Variants in PCDHGB3 observed in about 807,000 individuals in gnomAD.
PCDHGB3 encodes protocadherin gamma subfamily B, 3.
A neutral mutation model predicts 59.2 loss-of-function variants in PCDHGB3; 40 were observed. That is an observed-to-expected ratio of 0.68 (90% CI 0.52 to 0.88). PCDHGB3 has a LOEUF of 0.88. PCDHGB3 is among the 40% of genes least tolerant of loss of function. PCDHGB3 has a pLI of 0.00. For synonymous variants in PCDHGB3, 581 were observed against 503.6 expected, an observed-to-expected ratio of 1.15 and a Z score of -2.06; for missense variants, 1,309 against 1,187.9, an observed-to-expected ratio of 1.10 and a Z score of -1.50.
intron 1 of PCDHGB3, among the ~76,000 whole-genome samples, chr5:141,447,863 A>G (rs553375129): frequency 6.6e-6 from 1 of 152,254 alleles, no homozygotes; most frequent in East Asian, 1.9e-4. Flanking sequence ...AGGTGGGTGA[A>G]TCATCTGAGG....
intron 1 of PCDHGB3, chr5:141,419,575 C>T (rs2096401495): frequency 6.2e-7 from 1 of 1,611,782 alleles, no homozygotes. Context: ...CCGACGGCTC[C>T]GCGCTCTTCG....
intron 1 of PCDHGB3, chr5:141,408,124 G>A: frequency 1.4e-6 from 2 of 1,478,862 alleles, no homozygotes; most frequent in Non-Finnish European, 1.8e-6. Context: ...CCTGTCCTGG[G>A]CCGAATGCTC....
At chr5:141,430,873 G>T in intron 1 of PCDHGB3, 5 of 1,598,960 alleles carry the variant, frequency 3.1e-6, no homozygotes, top group Non-Finnish European at 4.3e-6. Flanking sequence ...TTCCGGAAGA[G>T]CTGGAGAAAG....
chr5:141,407,425 CTT>C (rs1307911949), intron 1 of PCDHGB3, among the ~76,000 whole-genome samples: 3 of 151,864 alleles, frequency 2.0e-5, no homozygotes, highest in African/African-American at 4.8e-5. Context: ...AAAAATGTCT[CTT>C]GCCCTTAAAA....
intron 1 of PCDHGB3, chr5:141,383,154 C>T (rs749274128): frequency 1.2e-6 from 2 of 1,613,994 alleles, no homozygotes; most frequent in Non-Finnish European, 1.7e-6. Context: ...GCAGCTTGGT[C>T]ACTGCGGGCA....
intron 1 of PCDHGB3, among the ~76,000 whole-genome samples, chr5:141,475,778 T>C (rs1204790631): frequency 2.0e-5 from 3 of 152,282 alleles, no homozygotes; most frequent in Non-Finnish European, 4.4e-5. Flanking sequence ...GCGCTTTGGC[T>C]GGAAACTCTG....
At chr5:141,376,185 C>A (rs1772389815) in intron 1 of PCDHGB3, 9 of 1,614,158 alleles carry the variant, frequency 5.6e-6, no homozygotes, top group Non-Finnish European at 7.6e-6. Context: ...GCCGCGGTCT[C>A]CTGCGTCTTC....
At chr5:141,415,700 A>G (rs1213224503) in intron 1 of PCDHGB3, 1 of 1,515,570 alleles carries the variant, frequency 6.6e-7, no homozygotes, top group East Asian at 2.5e-5. Flanking sequence ...GAAAGTGTAA[A>G]TGCTAAAACA....
At chr5:141,507,833 G>C (rs1184502436) in intron 3 of PCDHGB3, among the ~76,000 whole-genome samples, 2 of 152,172 alleles carry the variant, frequency 1.3e-5, no homozygotes, top group East Asian at 3.9e-4. Flanking sequence ...GGAGGTGGTG[G>C]GTCAGGCCCT....
At chr5:141,383,551 G>T (rs772901140) in intron 1 of PCDHGB3, 11 of 1,612,380 alleles carry the variant, frequency 6.8e-6, no homozygotes, top group Non-Finnish European at 9.3e-6. Context: ...CTCTGATGGC[G>T]GCGACCCGCC....
chr5:141,507,632 G>A (rs551849213), intron 3 of PCDHGB3, among the ~76,000 whole-genome samples: 6 of 152,360 alleles, frequency 3.9e-5, no homozygotes, highest in Non-Finnish European at 7.3e-5. Flanking sequence ...GTGGCCTTGC[G>A]CCCTGAGGCC....
intron 1 of PCDHGB3, among the ~76,000 whole-genome samples, chr5:141,452,529 G>A (rs758947494): frequency 1.3e-5 from 2 of 152,176 alleles, no homozygotes; most frequent in Non-Finnish European, 2.9e-5. Context: ...AAAATCGTGA[G>A]TTCATATTGA....
At position 141,496,266 on chromosome 5, in the gene PCDHGB3, AAGACCTTC is replaced by A. The variant is rs2099767586; in HGVS notation, c.2474+1404_2474+1411del. Among the ~76,000 whole-genome samples the A allele has an allele frequency of 2.0e-5, 3 of 152,152 alleles. No homozygotes were observed. The South Asian group carries it at 6.2e-4, about 32-fold the overall frequency. Reference sequence around the variant, plus strand: ...TGAAGGGGAGGGAAACTTCAGCAGAAAGACCTTCAGTTGGTCTGAGCAGAGTGGGATAG... The same window carrying A: ...TGAAGGGGAGGGAAACTTCAGCAGAAAGTTGGTCTGAGCAGAGTGGGATAG... On this transcript the variant is annotated intron_variant, in intron 2 of 3. Coordinates refer to ENST00000576222, the MANE Select transcript of PCDHGB3 (RefSeq NM_018924.5).
intron 1 of PCDHGB3, chr5:141,420,315 A>G (rs755723069): frequency 6.2e-6 from 9 of 1,440,144 alleles, no homozygotes; most frequent in Non-Finnish European, 8.4e-6. Context: ...TTATATTACA[A>G]TATGCCAATA....
intron 1 of PCDHGB3, chr5:141,478,305 C>A (rs775282798): frequency 1.2e-6 from 2 of 1,613,974 alleles, no homozygotes; most frequent in Non-Finnish European, 8.5e-7. Flanking sequence ...TACCGAGCCC[C>A]GGTGAGCTCA....
rs778589637 is a variant in PCDHGB3 at position 141,487,133 on chromosome 5, C to T, written c.2416-7674C>T. On this transcript the variant is annotated intron_variant, in intron 1 of 3. Coordinates refer to ENST00000576222, the MANE Select transcript of PCDHGB3 (RefSeq NM_018924.5). The surrounding 1 kb of genome is among the most constrained non-coding windows in gnomAD (Gnocchi z 5.0). ...TGTGGTAAAGGATAGTGGTAGTCCA[C>T]CACTCTCTACCTCTGTTACTCTCTT... 8.7e-6 allele frequency: 14 copies of T among 1,613,932 alleles called. No homozygotes were observed. In the South Asian group the frequency reaches 1.5e-4, roughly 18 times the overall value.
In PCDHGB3 at chr5:141,370,834, T is replaced by C; in HGVS notation, c.440T>C (p.Leu147Pro). The stretch of plus-strand genomic sequence containing the variant: ...GAGCTGGAAATCAGCGAACTGGCTC[T>C]CACTGGAGCCACATTTGCCCTGGAA... The part of the protein sequence containing the change: ...ITELEISELA[L>P]TGATFALESA... Residue 147 changes from leucine to proline, a missense_variant, in exon 1 of 4, where the codon CTC (leucine) becomes CCC (proline). Leu to Pro is a moderately conservative substitution (Grantham distance 98, BLOSUM62 -3). Coordinates refer to ENST00000576222, the MANE Select transcript of PCDHGB3 (RefSeq NM_018924.5). 6.2e-7 allele frequency: 1 copy of C among 1,614,012 alleles called. No individual in the cohort carries two copies.
rs1356654620 is a variant in PCDHGB3 at position 141,490,430 on chromosome 5, TTAA to T, written c.2416-4376_2416-4374del. On this transcript the variant is annotated intron_variant, in intron 1 of 3. Coordinates refer to ENST00000576222, the MANE Select transcript of PCDHGB3 (RefSeq NM_018924.5). The surrounding 1 kb of genome is among the most constrained non-coding windows in gnomAD (Gnocchi z 5.4). ...ATCTCTCCGGACCTGCCATTTCAGA[TTAA>T]GCCTTCTGAGAACCACTACTCGCTG... 1 of 1,614,162 alleles carries T rather than the reference TTAA, an allele frequency of 6.2e-7. No individual in the cohort carries two copies.
chr5:141,404,600 CTGTT>C (rs901473063), intron 1 of PCDHGB3: 9 of 1,613,938 alleles, frequency 5.6e-6, no homozygotes, highest in East Asian at 2.2e-5. Flanking sequence ...GTCATTGAGA[CTGTT>C]TGTTTTGGAC....
Sources: gnomAD v4.1 joint callset for allele counts (sites outside exome capture counted in the v4.1 genomes callset) on GRCh38, gnomAD v4.1.1 for gene constraint, Gnocchi (gnomAD v3.1) non-coding constraint, MANE v1.5 for transcripts, NCBI Gene and HGNC (gene_info 2026-07-23, HGNC 2026-07-21) for gene names.